The following MAGI2 variants were observed in gnomAD, a reference collection of about 807,000 sequenced individuals.
The protein encoded by MAGI2 is membrane associated guanylate kinase, WW and PDZ domain containing 2, also known as membrane-associated guanylate kinase, WW and PDZ domain-containing protein 2.
MAGI2 carries 35 observed loss-of-function variants against 133.3 expected under a neutral mutation model. That is an observed-to-expected ratio of 0.26 (90% CI 0.20 to 0.35). MAGI2 has a LOEUF of 0.35. MAGI2 is among the 10% of genes least tolerant of loss of function. MAGI2 has a pLI of 1.00. For missense variants in MAGI2, 1,636 were observed against 1,863.4 expected, an observed-to-expected ratio of 0.88 and a Z score of 2.25; for synonymous variants, 729 against 710.6, an observed-to-expected ratio of 1.03 and a Z score of -0.41.
At chr7:78,421,597 G>A (rs1798802061) in intron 6 of MAGI2, among the ~76,000 whole-genome samples, 1 of 152,190 alleles carries the variant, frequency 6.6e-6, no homozygotes, top group South Asian at 2.1e-4. Context: ...AGGATCACTT[G>A]ATCCCAGGAG....
intron 2 of MAGI2, among the ~76,000 whole-genome samples, chr7:78,740,542 G>A (rs997945387): frequency 3.3e-5 from 5 of 152,098 alleles, no homozygotes; most frequent in Non-Finnish European, 5.9e-5. Context: ...TTAAATAACA[G>A]CACAGTTATG....
chr7:78,894,357 G>A (rs896239503), intron 2 of MAGI2, among the ~76,000 whole-genome samples: 4 of 152,130 alleles, frequency 2.6e-5, no homozygotes, highest in African/African-American at 4.8e-5. Context: ...AGCGGAGATC[G>A]CACATGGGCG....
chr7:79,182,070 T>A (rs1371521171), intron 1 of MAGI2, among the ~76,000 whole-genome samples: 1 of 152,058 alleles, frequency 6.6e-6, no homozygotes, highest in Admixed American at 6.6e-5. Flanking sequence ...GTCCCACATT[T>A]TCCTGTCTTC....
chr7:78,588,251 A>G (rs1167391867), intron 3 of MAGI2, among the ~76,000 whole-genome samples: 3 of 152,028 alleles, frequency 2.0e-5, no homozygotes, highest in African/African-American at 7.2e-5. Context: ...CAATTATCGT[A>G]TTTCTTCCCT....
intron 1 of MAGI2, among the ~76,000 whole-genome samples, chr7:79,344,851 T>C (rs1841189936): frequency 6.6e-6 from 1 of 152,022 alleles, no homozygotes; most frequent in East Asian, 1.9e-4. Context: ...GGGTAAGAGT[T>C]GATATTAGGG....
At chr7:78,988,134 T>C (rs1805439051) in intron 2 of MAGI2, among the ~76,000 whole-genome samples, 1 of 152,006 alleles carries the variant, frequency 6.6e-6, no homozygotes, top group Non-Finnish European at 1.5e-5. Context: ...GACTGTTAAG[T>C]TTCCTATAGA....
At chr7:78,400,934 T>C (rs553269756) in intron 6 of MAGI2, among the ~76,000 whole-genome samples, 3 of 152,260 alleles carry the variant, frequency 2.0e-5, no homozygotes, top group South Asian at 4.1e-4. Context: ...CTCGCTGTCA[T>C]AGTCAAATGT....
intron 3 of MAGI2, among the ~76,000 whole-genome samples, chr7:78,539,934 G>A (rs1371079121): frequency 2.0e-5 from 3 of 152,180 alleles, no homozygotes; most frequent in Admixed American, 6.5e-5. Context: ...TGTTACTGGT[G>A]GTGGAATTAG....
intron 1 of MAGI2, among the ~76,000 whole-genome samples, chr7:79,087,918 G>C (rs1489163027): frequency 6.6e-6 from 1 of 152,058 alleles, no homozygotes; most frequent in East Asian, 1.9e-4. Context: ...ATAGTTTGAA[G>C]TCCAGTAGCG....
At chr7:78,996,877 A>G (rs998509040) in intron 2 of MAGI2, among the ~76,000 whole-genome samples, 1 of 152,216 alleles carries the variant, frequency 6.6e-6, no homozygotes, top group African/African-American at 2.4e-5. Context: ...TTAAAAGTCT[A>G]GCTAGGTGTG....
At chr7:78,624,321 G>A (rs1315801073) in intron 3 of MAGI2, among the ~76,000 whole-genome samples, 1 of 152,070 alleles carries the variant, frequency 6.6e-6, no homozygotes, top group African/African-American at 2.4e-5. Flanking sequence ...AGTTTAATTA[G>A]ATCCCATTTG....
At chr7:78,489,335 A>G (rs1351005882) in intron 6 of MAGI2, among the ~76,000 whole-genome samples, 1 of 152,086 alleles carries the variant, frequency 6.6e-6, no homozygotes, top group Non-Finnish European at 1.5e-5. Context: ...ATGTCTTTAT[A>G]TTTCTGAGTC....
chr7:79,041,055 A>T (rs1017653180), intron 1 of MAGI2, among the ~76,000 whole-genome samples: 14 of 152,194 alleles, frequency 9.2e-5, no homozygotes, highest in African/African-American at 3.4e-4. Flanking sequence ...TAATTTGATC[A>T]TTACACATTC....
intron 9 of MAGI2, among the ~76,000 whole-genome samples, chr7:78,268,455 T>C (rs796995095): frequency 4.6e-5 from 7 of 152,276 alleles, no homozygotes; most frequent in African/African-American, 1.7e-4. Flanking sequence ...AGTCAAGCAT[T>C]CCAGAGACTT....
intron 2 of MAGI2, among the ~76,000 whole-genome samples, chr7:78,647,061 CAATTCT>C (rs1364258244): frequency 2.0e-5 from 3 of 152,068 alleles, no homozygotes; most frequent in African/African-American, 7.2e-5. Flanking sequence ...ATTGACCAAA[CAATTCT>C]ATTTCTAGGA....
intron 10 of MAGI2, among the ~76,000 whole-genome samples, chr7:78,201,674 T>C (rs1444869801): frequency 6.6e-6 from 1 of 152,220 alleles, no homozygotes; most frequent in Admixed American, 6.5e-5. Flanking sequence ...ATAACGTATA[T>C]GCCTACATTA....
intron 2 of MAGI2, among the ~76,000 whole-genome samples, chr7:78,885,087 G>T (rs1021624697): frequency 1.3e-5 from 2 of 152,140 alleles, no homozygotes; most frequent in African/African-American, 4.8e-5. Flanking sequence ...TCTCTCTTAT[G>T]AGTGGGAGCT....
At chr7:78,727,947 T>C (rs777447910) in intron 2 of MAGI2, among the ~76,000 whole-genome samples, 2 of 152,176 alleles carry the variant, frequency 1.3e-5, no homozygotes, top group Admixed American at 6.5e-5. Flanking sequence ...CACAATATAA[T>C]ACCAGGTTGT....
At chr7:78,585,602 CTGGTGGCTGGTAGTGCCA>C (rs1180607694) in intron 3 of MAGI2, among the ~76,000 whole-genome samples, 1 of 152,140 alleles carries the variant, frequency 6.6e-6, no homozygotes, top group Non-Finnish European at 1.5e-5. Context: ...TGAAGGGTGG[CTGGTGGCTGGTAGTGCCA>C]TGGCAGCTGG....
Sources: allele counts gnomAD v4.1 joint callset (sites outside exome capture counted in the v4.1 genomes callset), GRCh38; gene constraint gnomAD v4.1.1; transcripts MANE v1.5; gene names NCBI Gene and HGNC (gene_info 2026-07-23, HGNC 2026-07-21).